The following ANXA9 variants were observed in gnomAD, a reference collection of about 807,000 sequenced individuals.
The protein encoded by ANXA9 is annexin 31.
A neutral mutation model predicts 51.8 loss-of-function variants in ANXA9; 47 were observed. The observed-to-expected ratio is 0.91, with a 90% CI of 0.72 to 1.16. The LOEUF (loss-of-function observed/expected upper bound fraction) is 1.16. Among genes scored for constraint, ANXA9 ranks in the 50% most tolerant of loss-of-function variants. The pLI is 0.00. For synonymous variants in ANXA9, 154 were observed against 168.7 expected (o/e 0.91, Z 0.68); for missense variants, 361 against 424.7 (o/e 0.85, Z 1.32).
At chr1:150,987,312 T>C (rs1362025188) in intron 9 of ANXA9, among the ~76,000 whole-genome samples, 1 of 151,802 alleles carries the variant, frequency 6.6e-6, no homozygotes, top group Non-Finnish European at 1.5e-5. Flanking sequence ...GCCCTGGTCA[T>C]GCCACTGCAC....
upstream of ANXA9, among the ~76,000 whole-genome samples, chr1:150,980,039 G>A (rs1256030314): frequency 6.6e-6 from 1 of 152,168 alleles, no homozygotes; most frequent in African/African-American, 2.4e-5. Context: ...CGCTGAGACT[G>A]AGTTCCATTT....
intron 12 of ANXA9, among the ~76,000 whole-genome samples, chr1:150,994,032 C>A (rs975266889): frequency 6.6e-6 from 1 of 152,116 alleles, no homozygotes; most frequent in Non-Finnish European, 1.5e-5. Context: ...CCTAAGGGTC[C>A]AACCGGAGAA....
At chr1:150,979,642 A>AG (rs1323870767), upstream of ANXA9, among the ~76,000 whole-genome samples, 1 of 152,140 alleles carries the variant, frequency 6.6e-6, no homozygotes, top group Non-Finnish European at 1.5e-5. Context: ...AGGGGCCACT[A>AG]GGGGGCTCGA....
upstream of ANXA9, among the ~76,000 whole-genome samples, chr1:150,977,364 G>A (rs1022940229): frequency 1.3e-5 from 2 of 152,186 alleles, no homozygotes; most frequent in East Asian, 3.8e-4. Flanking sequence ...GGGATGATGC[G>A]ACCAGCTTTG....
In ANXA9 at chr1:150,987,912, G is replaced by A. The variant is rs748763239; in HGVS notation, c.653G>A (p.Trp218Ter). 6.2e-7 allele frequency: 1 copy of A among 1,614,050 alleles called. No homozygotes were observed. The highest frequency in any genetic ancestry group is 8.5e-7 in the Non-Finnish European group (1 of 1,180,000). Residue 218 changes from tryptophan (W) to a stop codon, truncating the protein, a stop_gained, in exon 10 of 14, where the codon TGG (tryptophan) becomes TAG (stop). Transcript: ENST00000368947. LOFTEE classifies it high-confidence loss of function. ...GAAGGACCTAGCAGAGAGGAAACAT[G>A]GGTCCCAGTCTTCACCCAGCGAAAT... ...RAEGPSREET[W>*]VPVFTQRNPE...
At chr1:150,982,280 A>T (rs1330643035), upstream of ANXA9, 1 of 152,224 alleles carries the variant, frequency 6.6e-6, no homozygotes, top group Non-Finnish European at 1.5e-5. Flanking sequence ...GGCTGCACAC[A>T]CCCCCACTTT....
At chr1:150,990,085 G>A (rs1213223066) in intron 12 of ANXA9, among the ~76,000 whole-genome samples, 1 of 151,936 alleles carries the variant, frequency 6.6e-6, no homozygotes, top group Non-Finnish European at 1.5e-5. Context: ...AAGGTGGGAG[G>A]ATCGCTTGAG....
At chr1:150,978,829 T>C (rs1378025863), upstream of ANXA9, among the ~76,000 whole-genome samples, 2 of 151,672 alleles carry the variant, frequency 1.3e-5, no homozygotes, top group Admixed American at 6.6e-5. Context: ...CTGGGCATGG[T>C]GGTGCATGCC....
At position 150,983,084 on chromosome 1, in the gene ANXA9, C is replaced by T. The variant is rs1671451555; in HGVS notation, c.-16-6C>T. The T allele has an allele frequency of 1.2e-6, 2 of 1,611,588 alleles. No homozygotes were observed. The highest frequency in any genetic ancestry group is 1.7e-6 in the Non-Finnish European group (2 of 1,178,530). On this transcript the variant is annotated splice_region_variant and splice_polypyrimidine_tract_variant and intron_variant, in intron 2 of 13. Coordinates refer to ENST00000368947, the MANE Select transcript of ANXA9 (RefSeq NM_003568.3). ...CAGCTCTGTGGGCTCCTGTTTCCTT[C>T]CCCAGGGCAACCAGTAGCACCATGT...
intron 11 of ANXA9, 46 bp downstream of exon 11, chr1:150,988,232 G>A (rs1671616487): frequency 2.5e-6 from 4 of 1,614,152 alleles, no homozygotes; most frequent in Non-Finnish European, 3.4e-6. Flanking sequence ...TCTTGGGATG[G>A]GAGATTGTGG....
intron 2 of ANXA9, among the ~76,000 whole-genome samples, chr1:150,982,833 C>T (rs907443554): frequency 6.6e-6 from 1 of 152,144 alleles, no homozygotes; most frequent in Non-Finnish European, 1.5e-5. Flanking sequence ...GGAGGGTTGG[C>T]GCCTGGTCCA....
At chr1:150,994,465 C>A in intron 12 of ANXA9, 112 bp from the exon 13 acceptor site, 2 of 1,504,120 alleles carry the variant, frequency 1.3e-6, no homozygotes, top group Non-Finnish European at 1.8e-6. Flanking sequence ...ACACTCTTAT[C>A]CCTTGACTCC....
intron 2 of ANXA9, among the ~76,000 whole-genome samples, chr1:150,982,830 T>A (rs1385494184): frequency 6.6e-6 from 1 of 152,122 alleles, no homozygotes; most frequent in South Asian, 2.1e-4. Context: ...CAGGGAGGGT[T>A]GGCGCCTGGT....
Position 150,983,485 on chromosome 1 carries a change from A to G in ANXA9, c.172+51A>G, listed in dbSNP as rs777328948. 6 of 1,506,778 alleles carry G rather than the reference A, an allele frequency of 4.0e-6. No individual in the cohort carries two copies. In the South Asian group the frequency reaches 6.0e-5, roughly 15 times the overall value. 93.3% of individuals were successfully genotyped at this position (1,506,778 alleles called of 1,614,324 possible). ...AGACTGCCTTTTAGAGCCAATCTGT[A>G]GACCAAGGAGGAGCCAGGAAGGAGG... On this transcript the variant is annotated intron_variant, in intron 4 of 13. Coordinates refer to ENST00000368947, the MANE Select transcript of ANXA9 (RefSeq NM_003568.3).
intron 4 of ANXA9, 127 bp downstream of exon 4, chr1:150,983,561 C>T: frequency 1.1e-6 from 1 of 892,254 alleles, no homozygotes; most frequent in Non-Finnish European, 1.7e-6. Flanking sequence ...TCTTGTATGT[C>T]AGGCGCCACA....
At chr1:150,984,132 G>A in intron 5 of ANXA9, 63 bp downstream of exon 5, 1 of 1,570,696 alleles carries the variant, frequency 6.4e-7, no homozygotes, top group Non-Finnish European at 8.7e-7. Flanking sequence ...GAGGACTCGA[G>A]AGACAGCAAC....
chr1:150,979,730 C>G (rs1052984606), upstream of ANXA9, among the ~76,000 whole-genome samples: 3 of 152,118 alleles, frequency 2.0e-5, no homozygotes, highest in South Asian at 2.1e-4. Context: ...GAGCCAAGAT[C>G]GGAATTCTTA....
rs748928871 is a variant in ANXA9 at position 150,983,971 on chromosome 1, TCAGGCGTGGAC to T, written c.173-2_181del. On this transcript the variant is annotated splice_acceptor_variant and splice_polypyrimidine_tract_variant and coding_sequence_variant and intron_variant, in exon 5 of 14. Coordinates refer to ENST00000368947, the MANE Select transcript of ANXA9 (RefSeq NM_003568.3). LOFTEE classifies it high-confidence loss of function. ...CTCACAGCACAGCCCTCATCTCGGT[TCAGGCGTGGAC>T]CGCAGTGCCATTGTGGACGTGCTGA... The T allele has an allele frequency of 6.2e-7, 1 of 1,611,646 alleles. No individual in the cohort carries two copies. The highest frequency in any genetic ancestry group is 2.2e-5 in the East Asian group (1 of 44,832).
At chr1:150,986,167 C>T (rs1045800185) in intron 7 of ANXA9, among the ~76,000 whole-genome samples, 169 bp from the exon 8 acceptor site, 5 of 152,202 alleles carry the variant, frequency 3.3e-5, no homozygotes, top group Middle Eastern at 3.4e-3. Flanking sequence ...TTAGAGTGGC[C>T]GTGATGGTAC....
Sources: allele counts gnomAD v4.1 joint callset (sites outside exome capture counted in the v4.1 genomes callset), GRCh38; gene constraint gnomAD v4.1.1; transcripts MANE v1.5; gene names NCBI Gene and HGNC (gene_info 2026-07-23, HGNC 2026-07-21).